Variants in ADGRG6 observed in about 807,000 individuals in gnomAD.
The protein encoded by ADGRG6 is G-protein coupled receptor 126.
Under a neutral mutation model 142.4 loss-of-function variants are expected in ADGRG6, and 84 were observed. That is an observed-to-expected ratio of 0.59 (90% CI 0.49 to 0.71). The LOEUF (loss-of-function observed/expected upper bound fraction) is 0.71. Ranked by LOEUF, ADGRG6 falls within the 30% of genes least tolerant of loss-of-function variation. The pLI is 0.00. For synonymous variants in ADGRG6, 521 were observed against 520.5 expected (o/e 1.00, Z -0.01); for missense variants, 1,367 against 1,466.6 (o/e 0.93, Z 1.11).
chr6:142,412,844 G>A (rs1431855011), intron 18 of ADGRG6, among the ~76,000 whole-genome samples: 1 of 152,060 alleles, frequency 6.6e-6, no homozygotes, highest in Non-Finnish European at 1.5e-5. Flanking sequence ...TGTGCATGTT[G>A]TAAGTCTGGT....
intron 4 of ADGRG6, among the ~76,000 whole-genome samples, chr6:142,375,807 G>A (rs1203932637): frequency 1.3e-5 from 2 of 152,000 alleles, no homozygotes; most frequent in African/African-American, 4.8e-5. Flanking sequence ...TAGTACGAAA[G>A]TAACATAGTA....
At chr6:142,349,507 G>T (rs1780059707) in intron 2 of ADGRG6, among the ~76,000 whole-genome samples, 1 of 152,214 alleles carries the variant, frequency 6.6e-6, no homozygotes, top group African/African-American at 2.4e-5. Flanking sequence ...ACTAGGTGAG[G>T]TGTCTCTCTT....
intron 2 of ADGRG6, among the ~76,000 whole-genome samples, chr6:142,310,340 C>T (rs935560270): frequency 2.6e-5 from 4 of 151,586 alleles, no homozygotes; most frequent in African/African-American, 9.7e-5. Context: ...CTGGTTTTGT[C>T]ACTGAACTGA....
chr6:142,440,528 T>C (rs1181104272), intron 24 of ADGRG6, among the ~76,000 whole-genome samples: 7 of 152,170 alleles, frequency 4.6e-5, no homozygotes, highest in Admixed American at 6.5e-5. Flanking sequence ...ACTCCTGGGC[T>C]CAAGGAATTT....
chr6:142,410,385 G>A (rs1191433099), intron 17 of ADGRG6, among the ~76,000 whole-genome samples: 2 of 152,006 alleles, frequency 1.3e-5, no homozygotes, highest in Non-Finnish European at 2.9e-5. Context: ...TTGATATAAT[G>A]GACATATATT....
chr6:142,339,302 C>G (rs2114709885), intron 2 of ADGRG6, among the ~76,000 whole-genome samples: 1 of 152,190 alleles, frequency 6.6e-6, no homozygotes. Context: ...TGGGGCGTAA[C>G]AAAAATATGA....
chr6:142,438,213 T>C lies in ADGRG6; in HGVS notation c.3423T>C (p.Asp1141=). 6.4e-7 allele frequency: 1 copy of C among 1,572,312 alleles called. No individual in the cohort carries two copies. The highest frequency in any genetic ancestry group is 8.6e-7 in the Non-Finnish European group (1 of 1,160,470). ...GGGTGATGTCATTTTTTTTTTCAGA[T>C]TGGAGTAAGACAGCTACCAATATCA... ...CGRFRLADNS[D]WSKTATNIIK... is the part of the protein sequence containing the mutation. The change falls in exon 24 of 25, where the codon GAT becomes GAC. Residue 1141 remains aspartate (D), a splice_region_variant and synonymous_variant. Transcript: ENST00000367609.
intron 2 of ADGRG6, among the ~76,000 whole-genome samples, chr6:142,332,595 T>C (rs1779112556): frequency 6.6e-6 from 1 of 152,124 alleles, no homozygotes; most frequent in African/African-American, 2.4e-5. Flanking sequence ...TAGGAAATGA[T>C]TTCCCTTTCT....
intron 2 of ADGRG6, among the ~76,000 whole-genome samples, chr6:142,363,908 A>G (rs1221332658): frequency 6.6e-6 from 1 of 152,244 alleles, no homozygotes; most frequent in East Asian, 1.9e-4. Flanking sequence ...TTTTAGGGCT[A>G]TGAAACTCTT....
rs1319963533 is a variant in ADGRG6, at chr6:142,417,299, G to T, written c.2965G>T (p.Val989Phe). 6.2e-7 allele frequency: 1 copy of T among 1,603,272 alleles called. No individual in the cohort carries two copies. Among genetic ancestry groups the T allele is most frequent in the Non-Finnish European group, 8.5e-7 (1 of 1,171,588 alleles). Reference protein sequence around the residue: ...WGLPALVVSVVLASRNNNEVY... With the variant: ...WGLPALVVSVFLASRNNNEVY... Reference sequence around the variant, plus strand: ...TTTGCCTGCCTTAGTGGTGTCAGTTGTTCTAGCGAGCAGAAACAACAATGA... The same window carrying T: ...TTTGCCTGCCTTAGTGGTGTCAGTTTTTCTAGCGAGCAGAAACAACAATGA... Residue 989 changes from valine to phenylalanine, a missense_variant, in exon 21 of 25, where the codon GTT (valine) becomes TTT (phenylalanine). Physicochemically the swap from Val to Phe is conservative, Grantham distance 50 (BLOSUM62 -1). Transcript: ENST00000367609.
rs1376214873 is a variant in ADGRG6, at chr6:142,305,829, G to T, written c.2+3498G>T. Among the ~76,000 whole-genome samples, 3 of 152,096 alleles carry T rather than the reference G, an allele frequency of 2.0e-5. No homozygotes were observed. In the South Asian group the frequency reaches 6.2e-4, roughly 32 times the overall value. ...AGTTTAAGATTTGTGCAGGGTTGAA[G>T]AATAAATCAGCCTTTTTGAAGTGGA... is the stretch of plus-strand genomic sequence containing the variant. On this transcript the variant is annotated intron_variant, in intron 1 of 24. Coordinates refer to ENST00000367609, the MANE Select transcript of ADGRG6 (RefSeq NM_198569.3).
chr6:142,324,832 G>A (rs1050699775), intron 2 of ADGRG6, among the ~76,000 whole-genome samples: 1 of 152,068 alleles, frequency 6.6e-6, no homozygotes, highest in African/African-American at 2.4e-5. Context: ...CAGGTAGGGA[G>A]TATATCTTCT....
At chr6:142,333,034 G>C (rs1436731707) in intron 2 of ADGRG6, among the ~76,000 whole-genome samples, 1 of 152,220 alleles carries the variant, frequency 6.6e-6, no homozygotes, top group Non-Finnish European at 1.5e-5. Context: ...CTAGAGTGGA[G>C]ATGGTCACAG....
intron 2 of ADGRG6, among the ~76,000 whole-genome samples, chr6:142,363,477 C>T (rs554449221): frequency 6.6e-6 from 1 of 152,116 alleles, no homozygotes; most frequent in Admixed American, 6.5e-5. Flanking sequence ...AAAATACGCA[C>T]AAGTAAATTA....
intron 4 of ADGRG6, among the ~76,000 whole-genome samples, chr6:142,371,156 A>G (rs1187989465): frequency 1.3e-5 from 2 of 151,316 alleles, no homozygotes; most frequent in African/African-American, 4.9e-5. Flanking sequence ...GAAATTAATA[A>G]GTAAGTTATT....
intron 22 of ADGRG6, among the ~76,000 whole-genome samples, chr6:142,430,522 C>T (rs963479497): frequency 6.6e-6 from 1 of 152,038 alleles, no homozygotes; most frequent in African/African-American, 2.4e-5. Flanking sequence ...TTACATTTGC[C>T]CCCAGAAAGC....
At chr6:142,332,692 G>A (rs893732208) in intron 2 of ADGRG6, among the ~76,000 whole-genome samples, 2 of 152,156 alleles carry the variant, frequency 1.3e-5, no homozygotes, top group East Asian at 3.9e-4. Context: ...TTGCAAGAGA[G>A]ACACAATATA....
intron 14 of ADGRG6, chr6:142,405,161 A>C (rs2115029558): frequency 2.9e-6 from 1 of 341,628 alleles, no homozygotes; most frequent in East Asian, 7.5e-5. Flanking sequence ...TTTAAGAGTA[A>C]AACTCAGTCA....
intron 22 of ADGRG6, among the ~76,000 whole-genome samples, chr6:142,428,111 T>G (rs146974575): frequency 6.6e-6 from 1 of 152,314 alleles, no homozygotes; most frequent in East Asian, 1.9e-4. Context: ...TCTTTCAGGA[T>G]TTTTGGAAAT....
Sources: gnomAD v4.1 joint callset for allele counts (sites outside exome capture counted in the v4.1 genomes callset) on GRCh38, gnomAD v4.1.1 for gene constraint, MANE v1.5 for transcripts, NCBI Gene and HGNC (gene_info 2026-07-23, HGNC 2026-07-21) for gene names.